Variants in CDIN1 observed in about 807,000 individuals in gnomAD.
The protein encoded by CDIN1 is CDAN1 interacting nuclease 1.
A neutral mutation model predicts 45.3 loss-of-function variants in CDIN1; 33 were observed. The observed-to-expected ratio is 0.73, with a 90% CI of 0.55 to 0.97. The LOEUF is 0.97. Ranked by LOEUF, CDIN1 falls within the 50% of genes least tolerant of loss-of-function variation. The probability of loss-of-function intolerance (pLI) is 0.00; values close to 1 mark genes in which losing one functional copy is unlikely to be tolerated. For missense variants in CDIN1, 303 were observed against 339.4 expected (o/e 0.89, Z 0.84); for synonymous variants, 118 against 124.4 (o/e 0.95, Z 0.34).
intron 1 of CDIN1, among the ~76,000 whole-genome samples, chr15:36,630,724 T>A (rs1399208254): frequency 6.6e-6 from 1 of 152,214 alleles, no homozygotes; most frequent in Non-Finnish European, 1.5e-5. Flanking sequence ...AGCAGGGTGC[T>A]GGCTTCTGCT....
chr15:36,710,028 T>C (rs2043001870), intron 10 of CDIN1, 67 bp downstream of exon 10: 1 of 1,241,026 alleles, frequency 8.1e-7, no homozygotes, highest in Admixed American at 2.1e-5. Flanking sequence ...GAAAAAAATA[T>C]TTTGTTTAGC....
intron 1 of CDIN1, among the ~76,000 whole-genome samples, chr15:36,623,409 T>A (rs1394376950): frequency 6.6e-6 from 1 of 152,254 alleles, no homozygotes; most frequent in East Asian, 1.9e-4. Context: ...CTTTAAATTA[T>A]ATTTATTTAC....
intron 10 of CDIN1, among the ~76,000 whole-genome samples, chr15:36,795,440 T>C (rs2054769835): frequency 6.6e-6 from 1 of 152,188 alleles, no homozygotes; most frequent in Admixed American, 6.5e-5. Flanking sequence ...TTTTAAGTTT[T>C]TGGTCTAATA....
intron 10 of CDIN1, among the ~76,000 whole-genome samples, chr15:36,766,840 T>C (rs1328113248): frequency 6.6e-6 from 1 of 152,246 alleles, no homozygotes; most frequent in Non-Finnish European, 1.5e-5. Flanking sequence ...CTTAGATATA[T>C]GGTTTGTACA....
intron 5 of CDIN1, among the ~76,000 whole-genome samples, chr15:36,662,083 T>C (rs2041037373): frequency 6.6e-6 from 1 of 152,202 alleles, no homozygotes; most frequent in Non-Finnish European, 1.5e-5. Context: ...AATACCTCAA[T>C]CCTCATTATA....
intron 10 of CDIN1, among the ~76,000 whole-genome samples, chr15:36,787,741 TA>T (rs2141074176): frequency 6.6e-6 from 1 of 152,196 alleles, no homozygotes; most frequent in Non-Finnish European, 1.5e-5. Context: ...TTCTGTCACT[TA>T]AGGACTGATT....
At position 36,757,410 on chromosome 15, in the gene CDIN1, C is replaced by T. The variant is rs548311252; in HGVS notation, c.716+47449C>T. ...GTCGAGACCTCATGAACTCTTTTCTCGCTTGCTATCAATCCGATACAAAAT... is the reference window on the plus strand; with the variant it reads ...GTCGAGACCTCATGAACTCTTTTCTTGCTTGCTATCAATCCGATACAAAAT... On this transcript the variant is annotated intron_variant, in intron 10 of 10. Transcript: ENST00000566621. Among the ~76,000 whole-genome samples the T allele has an allele frequency of 4.9e-4, 74 of 152,290 alleles. 3 individuals carry two copies. The highest frequency in any genetic ancestry group is 1.7e-3 in the South Asian group (8 of 4,818).
At chr15:36,596,034 T>G (rs1179166477) in intron 1 of CDIN1, among the ~76,000 whole-genome samples, 1 of 152,164 alleles carries the variant, frequency 6.6e-6, no homozygotes, top group Non-Finnish European at 1.5e-5. Flanking sequence ...TCCTCAAGTA[T>G]TCTAAAGAAT....
At chr15:36,664,482 A>G (rs950387032) in intron 5 of CDIN1, among the ~76,000 whole-genome samples, 3 of 152,222 alleles carry the variant, frequency 2.0e-5, no homozygotes, top group African/African-American at 7.2e-5. Context: ...AAGTGAATAC[A>G]TTGAGCTTCT....
intron 1 of CDIN1, among the ~76,000 whole-genome samples, chr15:36,610,956 A>G (rs1005528572): frequency 4.6e-5 from 7 of 152,350 alleles, no homozygotes; most frequent in African/African-American, 1.4e-4. Flanking sequence ...CTGTTCTCAC[A>G]TGCCACTAAA....
At chr15:36,698,061 G>A (rs1438614661) in intron 8 of CDIN1, among the ~76,000 whole-genome samples, 1 of 152,098 alleles carries the variant, frequency 6.6e-6, no homozygotes, top group Non-Finnish European at 1.5e-5. Flanking sequence ...TTTCATACAA[G>A]TCATTTTATT....
chr15:36,741,126 C>A (rs78969872), intron 10 of CDIN1, among the ~76,000 whole-genome samples: 5,529 of 152,096 alleles, frequency 0.036, 352 homozygotes, highest in African/African-American at 0.13. Context: ...ACTGTGATGG[C>A]CTGGGCTATC....
chr15:36,617,046 A>T, intron 1 of CDIN1: 1 of 762,662 alleles, frequency 1.3e-6, no homozygotes, highest in Non-Finnish European at 2.4e-6. Context: ...TGAGCCAGTT[A>T]GAGTTGCAGC....
In CDIN1 at chr15:36,709,912, T is replaced by C; in HGVS notation, c.667T>C (p.Cys223Arg). The change falls in exon 10 of 11, where the codon TGT becomes CGT. Residue 223 changes from cysteine to arginine, a missense_variant. By Grantham distance (180) the Cys-to-Arg change is radical. Coordinates refer to ENST00000566621, the MANE Select transcript of CDIN1 (RefSeq NM_001321759.2). The part of the protein sequence containing the change: ...IESKASFGDE[C>R]SHHAYLHDQF... ...AAGCAAAGCCTCATTTGGTGATGAA[T>C]GTAGCCACCACGCCTACCTGCATGA... 2 of 1,613,398 alleles carry C rather than the reference T, an allele frequency of 1.2e-6. No individual in the cohort carries two copies. The highest frequency in any genetic ancestry group is 1.7e-6 in the Non-Finnish European group (2 of 1,179,482).
chr15:36,782,777 A>G (rs1183240259), intron 10 of CDIN1, among the ~76,000 whole-genome samples: 2 of 152,226 alleles, frequency 1.3e-5, no homozygotes, highest in African/African-American at 4.8e-5. Context: ...TAAACACAAT[A>G]GCCATTTCCT....
At chr15:36,710,041 G>A in intron 10 of CDIN1, 80 bp downstream of exon 10, 1 of 1,064,366 alleles carries the variant, frequency 9.4e-7, no homozygotes, top group South Asian at 1.8e-5. Flanking sequence ...TGTTTAGCTG[G>A]TAAAAATGCT....
In CDIN1 at chr15:36,736,319, A is replaced by G. The variant is rs555068371; in HGVS notation, c.716+26358A>G. ...GCATGGTTTGCCCTGTGCTTTGAAA[A>G]TCTCCCTTGATTTACACTCTACAGC... is the stretch of plus-strand genomic sequence containing the variant. On this transcript the variant is annotated intron_variant, in intron 10 of 10. Coordinates refer to ENST00000566621, the MANE Select transcript of CDIN1 (RefSeq NM_001321759.2). 4.6e-5 allele frequency among the ~76,000 whole-genome samples: 7 copies of G among 150,968 alleles called. No homozygotes were observed. The South Asian group carries it at 1.5e-3, about 32-fold the overall frequency.
chr15:36,627,934 G>A (rs1595387833), intron 1 of CDIN1, among the ~76,000 whole-genome samples: 2 of 132,700 alleles, frequency 1.5e-5, no homozygotes, highest in Admixed American at 1.7e-4. Flanking sequence ...AGAAGTGGGA[G>A]GCCTGTAATT....
Position 36,757,536 on chromosome 15 carries a change from C to T in CDIN1, c.716+47575C>T, listed in dbSNP as rs147648665. Among the ~76,000 whole-genome samples the T allele has an allele frequency of 6.8e-3, 1,030 of 152,294 alleles. 10 individuals carry two copies. Among genetic ancestry groups the T allele is most frequent in the African/African-American group, 0.021 (858 of 41,550 alleles). On this transcript the variant is annotated intron_variant, in intron 10 of 10. Transcript: ENST00000566621. ...ATAAATGGGAAATTCCAGAAATAGA[C>T]CACTGATAAGTTTTAAGTTGAGCAC... is the stretch of plus-strand genomic sequence containing the variant.
Sources: gnomAD v4.1 joint callset for allele counts (sites outside exome capture counted in the v4.1 genomes callset) on GRCh38, gnomAD v4.1.1 for gene constraint, MANE v1.5 for transcripts, NCBI Gene and HGNC (gene_info 2026-07-23, HGNC 2026-07-21) for gene names.